SEMA3G: variants seen among roughly 807,000 people sequenced by gnomAD.
The protein encoded by SEMA3G is semaphorin 3G.
Under a neutral mutation model 86.2 loss-of-function variants are expected in SEMA3G, and 70 were observed. That is an observed-to-expected ratio of 0.81 (90% confidence interval 0.67 to 0.99). SEMA3G has a LOEUF of 0.99. Ranked by LOEUF, SEMA3G falls within the 50% of genes least tolerant of loss-of-function variation. SEMA3G has a pLI of 0.00. For missense variants in SEMA3G, 1,002 were observed against 1,072.4 expected (o/e 0.93, Z 0.92); for synonymous variants, 416 against 441.4 (o/e 0.94, Z 0.72).
Position 52,435,265 on chromosome 3 carries a change from G to C in SEMA3G, c.*338C>G, listed in dbSNP as rs566826970. On this transcript the variant is annotated 3_prime_UTR_variant, in exon 16 of 16. Transcript: ENST00000231721. ...CAGAATGGCCATTGTTCTGTAGGCT[G>C]GGAAAGAACCACCCAACCCTCTTGC... 3 of 349,056 alleles carry C rather than the reference G, an allele frequency of 8.6e-6. No individual in the cohort carries two copies. Among genetic ancestry groups the C allele is most frequent in the African/African-American group, 6.3e-5 (3 of 47,920 alleles). 21.6% of individuals were successfully genotyped at this position (349,056 alleles called of 1,614,324 possible). A position where few individuals can be genotyped will look rare whatever the true frequency, so the allele number is the denominator to read the frequency against.
At chr3:52,438,769 C>T (rs1706093843) in intron 13 of SEMA3G, 151 bp downstream of exon 13, 3 of 1,477,946 alleles carry the variant, frequency 2.0e-6, no homozygotes, top group South Asian at 1.4e-5. Flanking sequence ...GCCCACTGGC[C>T]ACTTGTTGCA....
intron 1 of SEMA3G, among the ~76,000 whole-genome samples, chr3:52,444,647 A>C (rs920443812): frequency 2.7e-5 from 4 of 150,130 alleles, no homozygotes; most frequent in South Asian, 2.1e-4. Flanking sequence ...GCACACGCAC[A>C]CAAACAGGGC....
In SEMA3G at chr3:52,433,542, A is replaced by G. The variant is rs1387609427; in HGVS notation, c.*2061T>C. The G allele has an allele frequency of 6.5e-6, 1 of 152,688 alleles. No homozygotes were observed. The highest frequency in any genetic ancestry group is 1.5e-5 in the Non-Finnish European group (1 of 68,048). 9.5% of individuals were successfully genotyped at this position (152,688 alleles called of 1,614,324 possible). ...GCGTTTCCAGGAGTTAATAGCATAC[A>G]GTACCATGGGTAGGGTGTGGTTGGC... is the stretch of plus-strand genomic sequence containing the variant. On this transcript the variant is annotated 3_prime_UTR_variant, in exon 16 of 16. Coordinates refer to ENST00000231721, the MANE Select transcript of SEMA3G (RefSeq NM_020163.3).
chr3:52,438,724 TC>T, intron 13 of SEMA3G, 195 bp downstream of exon 13: 1 of 985,482 alleles, frequency 1.0e-6, no homozygotes, highest in Non-Finnish European at 1.2e-6. Context: ...TATCCCCTTA[TC>T]TGGACATGGC....
chr3:52,439,462 C>T (rs1392523394), intron 12 of SEMA3G, among the ~76,000 whole-genome samples: 2 of 152,304 alleles, frequency 1.3e-5, no homozygotes, highest in African/African-American at 4.8e-5. Context: ...AGCTCTGGGC[C>T]TCCAGTCATT....
In SEMA3G at chr3:52,442,514, G is replaced by C; in HGVS notation, c.339+45C>G. 2 of 1,605,212 alleles carry C rather than the reference G, an allele frequency of 1.2e-6. No individual in the cohort carries two copies. Among genetic ancestry groups the C allele is most frequent in the South Asian group, 1.1e-5 (1 of 90,866 alleles). The stretch of plus-strand genomic sequence containing the variant: ...GGTCACGGATTGTCCTGGGGGTCAG[G>C]GCAGGGTGTCAGGTCGGGGGACCAT... On this transcript the variant is annotated intron_variant, in intron 3 of 15. Transcript: ENST00000231721. The surrounding 1 kb of genome is among the most constrained non-coding windows in gnomAD (Gnocchi z 6.1).
chr3:52,439,515 T>C lies in SEMA3G; in HGVS notation c.1467+165A>G, dbSNP rs569756343. 2.5e-3 allele frequency among the ~76,000 whole-genome samples: 374 copies of C among 152,046 alleles called. 2 individuals are homozygous for C. The highest frequency in any genetic ancestry group is 3.1e-3 in the Non-Finnish European group (214 of 67,956). On this transcript the variant is annotated intron_variant, in intron 12 of 15. Coordinates refer to ENST00000231721, the MANE Select transcript of SEMA3G (RefSeq NM_020163.3). ...CCTCTGCCACAGCGGAGGTGCGGGG[T>C]GGAGGGGGGGCATCTCTTTCTGCAT...
At position 52,441,010 on chromosome 3, in the gene SEMA3G, C is replaced by T; in HGVS notation, c.852G>A (p.Trp284Ter). 1 of 1,604,076 alleles carries T rather than the reference C, an allele frequency of 6.2e-7. No homozygotes were observed. The highest frequency in any genetic ancestry group is 8.5e-7 in the Non-Finnish European group (1 of 1,179,522). ...AGGQRVLVNK[W>*]STFLKARLVC... ...CCAGCCTGGCCTTGAGGAAAGTGCT[C>T]CATTTGTTCACCAGCACCCGCTGGC... The change falls in exon 8 of 16, where the codon TGG (tryptophan) becomes TGA (stop). Residue 284 changes from tryptophan (W) to a stop codon, truncating the protein, a stop_gained. Coordinates refer to ENST00000231721, the MANE Select transcript of SEMA3G (RefSeq NM_020163.3). LOFTEE classifies it high-confidence loss of function.
rs1459551969 is a variant in SEMA3G, at chr3:52,437,669, G to A, written c.1739-3C>T. On this transcript the variant is annotated splice_polypyrimidine_tract_variant and splice_region_variant and intron_variant, in intron 14 of 15. Transcript: ENST00000231721. ...TGCCACAAGTCCCACTGCCTCTTCT[G>A]GAGAGAGGCAGAGGTTGGCTCAGCT... 1.2e-6 allele frequency: 2 copies of A among 1,607,820 alleles called. No individual in the cohort carries two copies. The highest frequency in any genetic ancestry group is 1.7e-6 in the Non-Finnish European group (2 of 1,175,810).
chr3:52,441,896 A>T lies in SEMA3G; in HGVS notation c.473T>A (p.Leu158Gln), dbSNP rs754003702. 19 of 1,573,878 alleles carry T rather than the reference A, an allele frequency of 1.2e-5. No individual in the cohort carries two copies. The highest frequency in any genetic ancestry group is 1.5e-5 in the Non-Finnish European group (17 of 1,158,806). The change falls in exon 5 of 16, where the codon CTG becomes CAG. Residue 158 changes from leucine to glutamine, a missense_variant. Leu to Gln is a moderately radical substitution (Grantham distance 113). Transcript: ENST00000231721. ...VGHRGEHVLH[L>Q]EPGSVESGRG... Reference sequence around the variant, plus strand: ...GCCACTTTCCACACTGCCAGGCTCCAGGTGGAGCACATGCTAGTGGGAGGG... The same window carrying T: ...GCCACTTTCCACACTGCCAGGCTCCTGGTGGAGCACATGCTAGTGGGAGGG...
intron 13 of SEMA3G, chr3:52,438,596 G>T (rs777972231): frequency 1.0e-6 from 1 of 985,362 alleles, no homozygotes; most frequent in Non-Finnish European, 1.2e-6. Flanking sequence ...ATGGGGAGAC[G>T]GGTTTTGCCA....
chr3:52,437,950 C>T (rs1706076204), intron 14 of SEMA3G, 21 bp downstream of exon 14: 2 of 1,603,650 alleles, frequency 1.2e-6, no homozygotes, highest in East Asian at 4.5e-5. Context: ...AGTCTGGGCC[C>T]TCCCACCTGC....
intron 12 of SEMA3G, 134 bp downstream of exon 12, chr3:52,439,546 C>T: frequency 1.4e-6 from 1 of 712,306 alleles, no homozygotes; most frequent in Non-Finnish European, 2.4e-6. Context: ...TGCATCCCCT[C>T]CCCAGCATCC....
intron 15 of SEMA3G, 36 bp from the exon 16 acceptor site, chr3:52,436,109 A>G (rs564324191): frequency 6.4e-7 from 1 of 1,563,724 alleles, no homozygotes; most frequent in African/African-American, 1.4e-5. Context: ...GTAGGGTGCA[A>G]GGTGGGAGTT....
rs1706001884 is a variant in SEMA3G, at chr3:52,434,197, G to T, written c.*1406C>A. 1 of 151,832 alleles carries T rather than the reference G, an allele frequency of 6.6e-6. No homozygotes were observed. Among genetic ancestry groups the T allele is most frequent in the South Asian group, 2.1e-4 (1 of 4,790 alleles). The allele number at this position is 151,832 out of a possible 1,614,324, so 9.4% of individuals were successfully genotyped here. A position where few individuals can be genotyped will look rare whatever the true frequency, so the allele number is the denominator to read the frequency against. Reference sequence around the variant, plus strand: ...CCTTCCAGCCAGTTTTGTGTGTCATGAATGTGTTCATGTGCAGGCTGGGAA... The same window carrying T: ...CCTTCCAGCCAGTTTTGTGTGTCATTAATGTGTTCATGTGCAGGCTGGGAA... On this transcript the variant is annotated 3_prime_UTR_variant, in exon 16 of 16. Coordinates refer to ENST00000231721, the MANE Select transcript of SEMA3G (RefSeq NM_020163.3). The surrounding 1 kb of genome is among the most constrained non-coding windows in gnomAD (Gnocchi z 5.2).
At chr3:52,439,137 GC>G (rs1200336444) in intron 12 of SEMA3G, among the ~76,000 whole-genome samples, 176 bp from the exon 13 acceptor site, 5 of 152,086 alleles carry the variant, frequency 3.3e-5, no homozygotes, top group Admixed American at 2.6e-4. Context: ...TACAAGAAAG[GC>G]CCCCTGGTCA....
rs1706143375 is a variant in SEMA3G, at chr3:52,441,020, A to T, written c.842T>A (p.Val281Glu). The T allele has an allele frequency of 6.2e-7, 1 of 1,602,296 alleles. No individual in the cohort carries two copies. The highest frequency in any genetic ancestry group is 2.2e-5 in the East Asian group (1 of 44,874). Residue 281 changes from valine to glutamate, a missense_variant, in exon 8 of 16, where the codon GTG becomes GAG. Transcript: ENST00000231721. ...CTTGAGGAAAGTGCTCCATTTGTTC[A>T]CCAGCACCCGCTGGCCCCCAGCATC... ...VNDAGGQRVL[V>E]NKWSTFLKAR...
intron 14 of SEMA3G, 55 bp from the exon 15 acceptor site, chr3:52,437,721 TGC>T (rs1706072092): frequency 6.4e-7 from 1 of 1,565,856 alleles, no homozygotes; most frequent in Non-Finnish European, 8.7e-7. Context: ...CAGATCCCAG[TGC>T]CACCACCTGA....
chr3:52,437,867 C>T, intron 14 of SEMA3G, 104 bp downstream of exon 14: 1 of 1,179,010 alleles, frequency 8.5e-7, no homozygotes. Context: ...TGAGGACTAT[C>T]CGTCATGACA....
Sources: gnomAD v4.1 joint callset for allele counts (sites outside exome capture counted in the v4.1 genomes callset) on GRCh38, gnomAD v4.1.1 for gene constraint, Gnocchi (gnomAD v3.1) non-coding constraint, MANE v1.5 for transcripts, NCBI Gene and HGNC (gene_info 2026-07-23, HGNC 2026-07-21) for gene names.